The following PCDH15 variants were observed in gnomAD, a reference collection of about 807,000 sequenced individuals.
PCDH15 encodes the protein protocadherin-15.
PCDH15 carries 129 observed loss-of-function variants against 178.5 expected under a neutral mutation model. That is an observed-to-expected ratio of 0.72 (90% CI 0.63 to 0.84). PCDH15 has a LOEUF of 0.84. PCDH15 is among the 40% of genes least tolerant of loss of function. The pLI is 0.00. For synonymous variants in PCDH15, 800 were observed against 732.0 expected, an observed-to-expected ratio of 1.09 and a Z score of -1.50; for missense variants, 2,230 against 2,099.9, an observed-to-expected ratio of 1.06 and a Z score of -1.21.
In PCDH15 at chr10:55,162,891, C is replaced by T. The variant is rs552435493; in HGVS notation, c.-80+3685G>A. On this transcript the variant is annotated intron_variant, in intron 2 of 5. Coordinates refer to the PCDH15 transcript ENST00000458638. ...GCTTAAACAATTACCAGTCATTGTT[C>T]TAGAGGTTACAAGAGCTGCAACTTC... 2.6e-5 allele frequency among the ~76,000 whole-genome samples: 4 copies of T among 152,228 alleles called. No homozygotes were observed. In the East Asian group the frequency reaches 7.7e-4, roughly 29 times the overall value.
rs1952239405 is a variant in PCDH15, at chr10:54,403,725, A to T, written c.158-24783T>A. Among the ~76,000 whole-genome samples, 3 of 152,000 alleles carry T rather than the reference A, an allele frequency of 2.0e-5. No individual in the cohort carries two copies. The South Asian group carries it at 6.2e-4, about 31-fold the overall frequency. ...CTAGGCCCATAAGATCCTTAAATTG[A>T]TAAACAACTTCAGCAAGTCTCAGGA... On this transcript the variant is annotated intron_variant, in intron 3 of 37. Coordinates refer to ENST00000644397, the MANE Select transcript of PCDH15 (RefSeq NM_001384140.1).
intron 2 of PCDH15, among the ~76,000 whole-genome samples, chr10:55,001,348 C>T (rs899513650): frequency 1.4e-4 from 22 of 151,940 alleles, no homozygotes; most frequent in African/African-American, 4.1e-4. Context: ...AGCTGTAACA[C>T]AAACAGGGCT....
chr10:55,203,539 TA>T (rs1401365462), intron 1 of PCDH15, among the ~76,000 whole-genome samples: 1 of 151,986 alleles, frequency 6.6e-6, no homozygotes, highest in African/African-American at 2.4e-5. Context: ...TGGGGAATGT[TA>T]AAAAAGGAAG....
At chr10:53,911,654 T>C (rs1422352746) in intron 25 of PCDH15, among the ~76,000 whole-genome samples, 1 of 152,098 alleles carries the variant, frequency 6.6e-6, no homozygotes, top group East Asian at 1.9e-4. Context: ...AATCAATGAA[T>C]CCAGGAGCTG....
intron 3 of PCDH15, among the ~76,000 whole-genome samples, chr10:54,467,480 G>C (rs1246773269): frequency 6.6e-6 from 1 of 151,332 alleles, no homozygotes; most frequent in Non-Finnish European, 1.5e-5. Flanking sequence ...AGCAATCTTT[G>C]CATCTGTGGA....
At chr10:55,405,283 G>GATAGATATATATATATATATATAT (rs1554863154) in intron 2 of PCDH15, among the ~76,000 whole-genome samples, 1 of 108,086 alleles carries the variant, frequency 9.3e-6, no homozygotes, top group Non-Finnish European at 2.0e-5. Flanking sequence ...TGAGGTAACA[G>GATAGATATATATATATATATATAT]ATATATATAT....
intron 2 of PCDH15, among the ~76,000 whole-genome samples, chr10:54,975,932 G>GT (rs946174735): frequency 2.0e-5 from 3 of 151,852 alleles, no homozygotes; most frequent in Admixed American, 1.3e-4. Flanking sequence ...TAGAACGCAA[G>GT]TTTTTTTTGA....
chr10:54,937,845 T>C (rs1837945550), intron 2 of PCDH15, among the ~76,000 whole-genome samples: 1 of 152,068 alleles, frequency 6.6e-6, no homozygotes, highest in Admixed American at 6.6e-5. Context: ...ATTTTTTCCT[T>C]GCCAAACTAC....
chr10:55,317,825 A>G (rs1466919301), intron 1 of PCDH15, among the ~76,000 whole-genome samples: 1 of 152,162 alleles, frequency 6.6e-6, no homozygotes, highest in Non-Finnish European at 1.5e-5. Flanking sequence ...TGAACGCCCA[A>G]GGGGTTGGTC....
intron 2 of PCDH15, among the ~76,000 whole-genome samples, chr10:54,594,649 C>T (rs1205291262): frequency 6.6e-6 from 1 of 152,190 alleles, no homozygotes; most frequent in Non-Finnish European, 1.5e-5. Flanking sequence ...CCAGCGATCC[C>T]CATACATCTC....
At chr10:54,661,872 C>T (rs1380103190) in intron 2 of PCDH15, among the ~76,000 whole-genome samples, 1 of 151,900 alleles carries the variant, frequency 6.6e-6, no homozygotes, top group Non-Finnish European at 1.5e-5. Flanking sequence ...AAAGAAACTT[C>T]ACTCCTATCT....
intron 2 of PCDH15, among the ~76,000 whole-genome samples, chr10:54,997,111 CAA>C (rs34308353): frequency 7.0e-6 from 1 of 142,348 alleles, no homozygotes. Flanking sequence ...ACTCTAGTCT[CAA>C]AAAAAAAAAA....
intron 1 of PCDH15, among the ~76,000 whole-genome samples, chr10:55,309,974 A>C (rs913910644): frequency 1.3e-5 from 2 of 151,514 alleles, no homozygotes; most frequent in African/African-American, 4.9e-5. Flanking sequence ...TCCCTTTCCT[A>C]TCTCAAGTTT....
At chr10:53,991,972 C>G (rs1202254481) in intron 21 of PCDH15, among the ~76,000 whole-genome samples, 1 of 152,064 alleles carries the variant, frequency 6.6e-6, no homozygotes, top group African/African-American at 2.4e-5. Context: ...TCCCCTTCCA[C>G]CCTGTGGAAG....
intron 3 of PCDH15, among the ~76,000 whole-genome samples, chr10:54,487,063 T>G (rs1202821018): frequency 6.6e-6 from 1 of 151,934 alleles, no homozygotes; most frequent in Non-Finnish European, 1.5e-5. Flanking sequence ...ATTTGGGAGG[T>G]TCTATATTTC....
intron 2 of PCDH15, among the ~76,000 whole-genome samples, chr10:54,533,047 T>C (rs1226869312): frequency 1.3e-5 from 2 of 152,188 alleles, no homozygotes; most frequent in African/African-American, 4.8e-5. Context: ...CCTGAACTGG[T>C]AAATAATTAT....
Position 55,549,927 on chromosome 10 carries a change from G to GA in PCDH15, c.-156+77697_-156+77698insT, listed in dbSNP as rs1841970095. Among the ~76,000 whole-genome samples the GA allele has an allele frequency of 1.2e-4, 8 of 66,420 alleles. No homozygotes were observed. In the South Asian group the frequency reaches 4.9e-3, roughly 40 times the overall value. 43.6% of individuals were successfully genotyped at this position (66,420 alleles called of 152,430 possible). On this transcript the variant is annotated intron_variant, in intron 2 of 5. Transcript: ENST00000613346. The stretch of plus-strand genomic sequence containing the variant: ...TCACGCATGTGTTTCTGTGAGTGTT[G>GA]GGGGTGTGTGTGTGCGCATGCGTGC...
intron 3 of PCDH15, among the ~76,000 whole-genome samples, chr10:54,821,441 T>C (rs1312222562): frequency 6.6e-6 from 1 of 151,924 alleles, no homozygotes; most frequent in East Asian, 1.9e-4. Context: ...AATGTAAAAT[T>C]AGAAGTAAAA....
intron 3 of PCDH15, among the ~76,000 whole-genome samples, chr10:54,489,690 T>C (rs2079408602): frequency 6.6e-6 from 1 of 152,156 alleles, no homozygotes; most frequent in Non-Finnish European, 1.5e-5. Flanking sequence ...ATAAATATCC[T>C]TATACTTATT....
Sources: allele counts gnomAD v4.1 joint callset (sites outside exome capture counted in the v4.1 genomes callset), GRCh38; gene constraint gnomAD v4.1.1; transcripts MANE v1.5; gene names NCBI Gene and HGNC (gene_info 2026-07-23, HGNC 2026-07-21).